Variants in PPP3CA observed in about 807,000 individuals in gnomAD.
PPP3CA encodes protein phosphatase 3 catalytic subunit alpha, also known as CAM-PRP catalytic subunit.
In PPP3CA, 14 loss-of-function variants were observed where a neutral mutation model predicts 66.5. The ratio of observed to expected loss-of-function variants is 0.21; its 90% CI spans 0.14 to 0.33. PPP3CA has a LOEUF of 0.33. Among genes scored for constraint, PPP3CA ranks in the 10% least tolerant of loss-of-function variants. The pLI, the probability that PPP3CA is intolerant of heterozygous loss-of-function variation, is 1.00. For synonymous variants in PPP3CA, 232 were observed against 226.2 expected, an observed-to-expected ratio of 1.03 and a Z score of -0.23; for missense variants, 317 against 639.5, an observed-to-expected ratio of 0.50 and a Z score of 5.44.
At chr4:101,136,221 A>G (rs1722615850) in intron 2 of PPP3CA, among the ~76,000 whole-genome samples, 1 of 152,198 alleles carries the variant, frequency 6.6e-6, no homozygotes, top group South Asian at 2.1e-4. Context: ...TCACATCAGT[A>G]TCATTCATGT....
At chr4:101,151,222 T>G (rs894422683) in intron 2 of PPP3CA, among the ~76,000 whole-genome samples, 5 of 152,136 alleles carry the variant, frequency 3.3e-5, no homozygotes, top group African/African-American at 1.2e-4. Flanking sequence ...GGCCAAATAT[T>G]CATTTGTTTA....
At chr4:101,096,201 G>GATA (rs1730188590) in intron 5 of PPP3CA, among the ~76,000 whole-genome samples, 1 of 152,120 alleles carries the variant, frequency 6.6e-6, no homozygotes, top group Non-Finnish European at 1.5e-5. Context: ...GAACCTCAAT[G>GATA]ATAGGAAGAA....
At chr4:101,105,592 CA>C (rs903243703) in intron 3 of PPP3CA, among the ~76,000 whole-genome samples, 6 of 150,992 alleles carry the variant, frequency 4.0e-5, no homozygotes, top group African/African-American at 1.2e-4. Flanking sequence ...AAAAAACAAA[CA>C]AAAAAAGGTA....
intron 2 of PPP3CA, among the ~76,000 whole-genome samples, chr4:101,138,387 T>C (rs1217403815): frequency 1.3e-5 from 2 of 152,254 alleles, no homozygotes; most frequent in African/African-American, 4.8e-5. Context: ...TGGTTTATTG[T>C]GTGATATATT....
chr4:101,284,382 A>C (rs910753917), intron 1 of PPP3CA, among the ~76,000 whole-genome samples: 4 of 152,060 alleles, frequency 2.6e-5, no homozygotes, highest in Non-Finnish European at 5.9e-5. Flanking sequence ...GCTTGGAAAA[A>C]ACCTTAGGAT....
chr4:101,174,405 T>C (rs1333959208), intron 2 of PPP3CA, among the ~76,000 whole-genome samples: 1 of 152,200 alleles, frequency 6.6e-6, no homozygotes, highest in East Asian at 1.9e-4. Flanking sequence ...TGACTTTAGG[T>C]ACACTTATTT....
chr4:101,185,337 G>C (rs1056861658), intron 2 of PPP3CA, among the ~76,000 whole-genome samples: 13 of 152,102 alleles, frequency 8.5e-5, no homozygotes. Flanking sequence ...CAGGAACTGA[G>C]GTCTTATGTA....
intron 10 of PPP3CA, among the ~76,000 whole-genome samples, chr4:101,046,584 G>A (rs1447397173): frequency 6.6e-6 from 1 of 151,894 alleles, no homozygotes; most frequent in African/African-American, 2.4e-5. Context: ...TATTTTGCTG[G>A]TAGACTTCAA....
intron 2 of PPP3CA, among the ~76,000 whole-genome samples, chr4:101,162,463 G>C (rs1487143282): frequency 6.6e-5 from 10 of 151,770 alleles, no homozygotes. Flanking sequence ...CTGGGAAGCA[G>C]ATGTTGCAGT....
chr4:101,197,611 A>T (rs1724841214), intron 1 of PPP3CA, among the ~76,000 whole-genome samples: 5 of 152,220 alleles, frequency 3.3e-5, no homozygotes, highest in Admixed American at 3.3e-4. Context: ...TACTAACTAG[A>T]GTAAATAGTA....
In PPP3CA at chr4:101,025,545, T is replaced by C. The variant is rs757573745; in HGVS notation, c.*320A>G. On this transcript the variant is annotated 3_prime_UTR_variant, in exon 14 of 14. Coordinates refer to ENST00000394854, the MANE Select transcript of PPP3CA (RefSeq NM_000944.5). Reference sequence around the variant, plus strand: ...ACCTATCTAGAAGTCCCCAATGCAGTAGGAAAACATGTTCATTCCCCTAAC... The same window carrying C: ...ACCTATCTAGAAGTCCCCAATGCAGCAGGAAAACATGTTCATTCCCCTAAC... 1.5e-5 allele frequency: 3 copies of C among 193,738 alleles called. No individual in the cohort carries two copies. Among genetic ancestry groups the C allele is most frequent in the Non-Finnish European group, 3.2e-5 (3 of 94,730 alleles). 12.0% of individuals were successfully genotyped at this position (193,738 alleles called of 1,614,324 possible).
rs1041833973 is a variant in PPP3CA, at chr4:101,106,307, C to G, written c.384+2647G>C. The stretch of plus-strand genomic sequence containing the variant: ...CTGCAGAGAATGAAGCCACAGTGAG[C>G]TATGACTGTGCTACTGCATTGTAGC... On this transcript the variant is annotated intron_variant, in intron 3 of 13. Transcript: ENST00000394854. Among the ~76,000 whole-genome samples, 11 of 149,634 alleles carry G rather than the reference C, an allele frequency of 7.4e-5. 1 individual carries two copies. Among genetic ancestry groups the G allele is most frequent in the African/African-American group, 2.7e-4 (11 of 40,740 alleles).
intron 1 of PPP3CA, among the ~76,000 whole-genome samples, chr4:101,281,277 G>T (rs1024018530): frequency 6.6e-6 from 1 of 152,202 alleles, no homozygotes; most frequent in African/African-American, 2.4e-5. Flanking sequence ...GTTTTGCTCT[G>T]AAGAGAAATG....
At chr4:101,216,070 G>T (rs1403682983) in intron 1 of PPP3CA, among the ~76,000 whole-genome samples, 1 of 152,058 alleles carries the variant, frequency 6.6e-6, no homozygotes, top group African/African-American at 2.4e-5. Context: ...TTTATTCCAA[G>T]ATTTAATATC....
intron 1 of PPP3CA, among the ~76,000 whole-genome samples, chr4:101,306,585 GAAGAAT>G (rs1397751806): frequency 2.0e-5 from 3 of 152,056 alleles, no homozygotes; most frequent in Non-Finnish European, 4.4e-5. Flanking sequence ...TCACTTCTCG[GAAGAAT>G]AAGAGAAGAG....
intron 1 of PPP3CA, among the ~76,000 whole-genome samples, chr4:101,313,155 A>T (rs1728778884): frequency 6.6e-6 from 1 of 151,866 alleles, no homozygotes; most frequent in African/African-American, 2.4e-5. Context: ...TCTCTCTCTC[A>T]GTTTTTAATA....
intron 2 of PPP3CA, among the ~76,000 whole-genome samples, chr4:101,111,795 C>G (rs958814197): frequency 3.3e-5 from 5 of 152,018 alleles, no homozygotes; most frequent in Non-Finnish European, 7.4e-5. Flanking sequence ...GTGTTAATAT[C>G]GTAACAAGCT....
At chr4:101,153,049 T>C (rs964969659) in intron 2 of PPP3CA, among the ~76,000 whole-genome samples, 1 of 151,886 alleles carries the variant, frequency 6.6e-6, no homozygotes, top group African/African-American at 2.4e-5. Context: ...GTCTGGAGAT[T>C]AAGGGGAAAG....
At chr4:101,079,432 A>G (rs1254256517) in intron 8 of PPP3CA, among the ~76,000 whole-genome samples, 2 of 146,504 alleles carry the variant, frequency 1.4e-5, no homozygotes, top group Non-Finnish European at 3.0e-5. Context: ...AGGCTGGAGT[A>G]CAGTGGTGCG....
Sources: gnomAD v4.1 joint callset for allele counts (sites outside exome capture counted in the v4.1 genomes callset) on GRCh38, gnomAD v4.1.1 for gene constraint, MANE v1.5 for transcripts, NCBI Gene and HGNC (gene_info 2026-07-23, HGNC 2026-07-21) for gene names.